Variants in FBLN5 observed in about 807,000 individuals in gnomAD.
FBLN5 encodes fibulin 5.
Under a neutral mutation model 61.6 loss-of-function variants are expected in FBLN5, and 24 were observed. The ratio of observed to expected loss-of-function variants is 0.39; its 90% CI spans 0.28 to 0.55. The LOEUF (loss-of-function observed/expected upper bound fraction) is 0.55. Ranked by LOEUF, FBLN5 falls within the 20% of genes least tolerant of loss-of-function variation. The pLI is 0.65. For missense variants in FBLN5, 470 were observed against 594.1 expected (o/e 0.79, Z 2.17); for synonymous variants, 213 against 219.8 (o/e 0.97, Z 0.27).
intron 4 of FBLN5, among the ~76,000 whole-genome samples, chr14:91,920,221 A>C (rs1350902871): frequency 2.0e-5 from 3 of 152,186 alleles, no homozygotes; most frequent in Non-Finnish European, 2.9e-5. Flanking sequence ...CTGCCTGCTA[A>C]TGCACCAGGG....
intron 4 of FBLN5, among the ~76,000 whole-genome samples, chr14:91,906,566 A>G (rs140835107): frequency 0.012 from 1,802 of 152,328 alleles, 36 homozygotes; most frequent in African/African-American, 0.041. Context: ...TAAGAGATAC[A>G]ATGACATGAA....
At chr14:91,923,885 G>C (rs2055782694) in intron 4 of FBLN5, among the ~76,000 whole-genome samples, 1 of 152,190 alleles carries the variant, frequency 6.6e-6, no homozygotes, top group Non-Finnish European at 1.5e-5. Flanking sequence ...ATGCAACCCT[G>C]TCTTTAGGAA....
At chr14:91,870,432 G>T in intron 10 of FBLN5, 47 bp from the exon 11 acceptor site, 1 of 1,600,980 alleles carries the variant, frequency 6.2e-7, no homozygotes, top group Non-Finnish European at 8.5e-7. Flanking sequence ...CCTGCATGGT[G>T]GCCCTGCAGC....
chr14:91,902,383 TTTTTGCCA>T (rs1017888841), intron 4 of FBLN5, among the ~76,000 whole-genome samples: 1 of 151,506 alleles, frequency 6.6e-6, no homozygotes, highest in African/African-American at 2.4e-5. Flanking sequence ...TTTACTAAAA[TTTTTGCCA>T]TTTGTCTATC....
At chr14:91,945,778 G>C (rs1468299907) in intron 1 of FBLN5, among the ~76,000 whole-genome samples, 3 of 152,174 alleles carry the variant, frequency 2.0e-5, no homozygotes, top group Non-Finnish European at 2.9e-5. Context: ...TTTCATGTAA[G>C]TGCCTGGGTG....
chr14:91,916,936 G>A lies in FBLN5; in HGVS notation c.379+20011C>T, dbSNP rs567812648. 1.1e-3 allele frequency among the ~76,000 whole-genome samples: 169 copies of A among 152,180 alleles called. 1 individual carries two copies. Among genetic ancestry groups the A allele is most frequent in the Non-Finnish European group, 1.6e-3 (112 of 68,034 alleles). ...TAGCTTTGGACCCACTGCTGGTTCC[G>A]GGGTGGGCTTGTGATGTAGGCTTGC... On this transcript the variant is annotated intron_variant, in intron 4 of 10. Transcript: ENST00000342058.
At chr14:91,901,496 G>A (rs1002484100) in intron 4 of FBLN5, among the ~76,000 whole-genome samples, 2 of 152,132 alleles carry the variant, frequency 1.3e-5, no homozygotes, top group Non-Finnish European at 2.9e-5. Flanking sequence ...TCAAGCTAAT[G>A]GGGCTTGATA....
chr14:91,894,131 G>A (rs1188086444), intron 5 of FBLN5, among the ~76,000 whole-genome samples: 3 of 152,180 alleles, frequency 2.0e-5, no homozygotes, highest in African/African-American at 7.2e-5. Context: ...GGGCATGGTG[G>A]CTCACACCTG....
At position 91,941,052 on chromosome 14, in the gene FBLN5, T is replaced by C. The variant is rs80118832; in HGVS notation, c.73-436A>G. Reference sequence around the variant, plus strand: ...GTTGTGAAGAGCAAGAGGAATCATATCTGCTGAGCCTAATGTGGCATGCTC... The same window carrying C: ...GTTGTGAAGAGCAAGAGGAATCATACCTGCTGAGCCTAATGTGGCATGCTC... On this transcript the variant is annotated intron_variant, in intron 2 of 10. Coordinates refer to ENST00000342058, the MANE Select transcript of FBLN5 (RefSeq NM_006329.4). Among the ~76,000 whole-genome samples, 430 of 152,276 alleles carry C rather than the reference T, an allele frequency of 2.8e-3. 4 individuals carry two copies. The highest frequency in any genetic ancestry group is 9.8e-3 in the African/African-American group (407 of 41,552).
intron 4 of FBLN5, among the ~76,000 whole-genome samples, chr14:91,899,662 C>A (rs1459982720): frequency 6.6e-6 from 1 of 152,186 alleles, no homozygotes; most frequent in East Asian, 1.9e-4. Flanking sequence ...GGCTTTCAGG[C>A]CCCAGGACAG....
rs1889445255 is a variant in FBLN5 at position 91,881,260 on chromosome 14, T to C, written c.989+32A>G. 1.9e-6 allele frequency: 3 copies of C among 1,613,210 alleles called. No individual in the cohort carries two copies. The African/African-American group carries it at 4.0e-5, about 22-fold the overall frequency. Reference sequence around the variant, plus strand: ...CCTCCTGAGCCAGGCCCTCATCAGGTTTCTATTCCCCAGGGGGACGCCGTG... The same window carrying C: ...CCTCCTGAGCCAGGCCCTCATCAGGCTTCTATTCCCCAGGGGGACGCCGTG... On this transcript the variant is annotated intron_variant, in intron 9 of 10. Coordinates refer to ENST00000342058, the MANE Select transcript of FBLN5 (RefSeq NM_006329.4).
Position 91,870,069 on chromosome 14 carries a change from C to T in FBLN5, c.*155G>A, listed in dbSNP as rs184112296. ...GCAGGGTGACAGGTCTGCAATAGTA[C>T]AGGTGAGAGTCAGGAAGTCGGGGCT... On this transcript the variant is annotated 3_prime_UTR_variant, in exon 11 of 11. Coordinates refer to ENST00000342058, the MANE Select transcript of FBLN5 (RefSeq NM_006329.4). 6.6e-6 allele frequency: 5 copies of T among 754,070 alleles called. No homozygotes were observed. In the Admixed American group the frequency reaches 1.0e-4, roughly 15 times the overall value. The allele number at this position is 754,070 out of a possible 1,614,324, so 46.7% of individuals were successfully genotyped here.
chr14:91,937,400 C>G (rs2056037790), intron 3 of FBLN5, among the ~76,000 whole-genome samples, 199 bp from the exon 4 acceptor site: 1 of 152,138 alleles, frequency 6.6e-6, no homozygotes, highest in South Asian at 2.1e-4. Flanking sequence ...ATCAGCCTTT[C>G]AAATACCACC....
At chr14:91,929,432 C>T (rs1196645141) in intron 4 of FBLN5, among the ~76,000 whole-genome samples, 5 of 152,090 alleles carry the variant, frequency 3.3e-5, no homozygotes, top group Non-Finnish European at 5.9e-5. Flanking sequence ...CCCCAGATTA[C>T]GACCCTTAGT....
At position 91,881,380 on chromosome 14, in the gene FBLN5, G is replaced by A; in HGVS notation, c.901C>T (p.Leu301=). 6.2e-7 allele frequency: 1 copy of A among 1,614,086 alleles called. No homozygotes were observed. Residue 301 remains leucine, a synonymous_variant, in exon 9 of 11, where the codon CTG becomes TTG. Transcript: ENST00000342058. ...TGTAAATTGTAGCACGTCTGCTGCA[G>A]GTTGCACGTGTGGTTCCTGTGCTCA... ...ECEHRNHTCN[L]QQTCYNLQGG... is the part of the protein sequence containing the mutation.
At chr14:91,941,538 T>C (rs991884693) in intron 2 of FBLN5, among the ~76,000 whole-genome samples, 3 of 152,046 alleles carry the variant, frequency 2.0e-5, no homozygotes, top group African/African-American at 7.2e-5. Context: ...AGATGATGTA[T>C]ATGGCCTGCA....
At chr14:91,926,089 C>T (rs1268408357) in intron 4 of FBLN5, among the ~76,000 whole-genome samples, 1 of 152,232 alleles carries the variant, frequency 6.6e-6, no homozygotes, top group Non-Finnish European at 1.5e-5. Flanking sequence ...CTGCCAGATG[C>T]TGTGGATAAA....
chr14:91,915,424 G>A (rs112386512), intron 4 of FBLN5, among the ~76,000 whole-genome samples: 11,711 of 151,898 alleles, frequency 0.077, 608 homozygotes, highest in Non-Finnish European at 0.12. Context: ...GGTGGCTCAC[G>A]CCTGTAATCC....
intron 3 of FBLN5, among the ~76,000 whole-genome samples, chr14:91,939,605 G>A (rs900315836): frequency 6.6e-6 from 1 of 152,170 alleles, no homozygotes; most frequent in Non-Finnish European, 1.5e-5. Context: ...GCCTCCCAAA[G>A]TGCTGGGATT....
Sources: allele counts gnomAD v4.1 joint callset (sites outside exome capture counted in the v4.1 genomes callset), GRCh38; gene constraint gnomAD v4.1.1; transcripts MANE v1.5; gene names NCBI Gene and HGNC (gene_info 2026-07-23, HGNC 2026-07-21).